CCSER1: variants seen among roughly 807,000 people sequenced by gnomAD.
The protein encoded by CCSER1 is coiled-coil serine rich protein 1, also known as serine-rich coiled-coil domain-containing protein 1.
A neutral mutation model predicts 82.0 loss-of-function variants in CCSER1; 41 were observed. That is an observed-to-expected ratio of 0.50 (90% CI 0.39 to 0.65). CCSER1 has a LOEUF of 0.65. CCSER1 is among the 30% of genes least tolerant of loss of function. The pLI, the probability that CCSER1 is intolerant of heterozygous loss-of-function variation, is 0.00. For missense variants in CCSER1, 1,119 were observed against 1,064.2 expected, an observed-to-expected ratio of 1.05 and a Z score of -0.72; for synonymous variants, 414 against 383.9, an observed-to-expected ratio of 1.08 and a Z score of -0.92.
chr4:90,687,232 A>T (rs2149211202), intron 6 of CCSER1, among the ~76,000 whole-genome samples: 1 of 152,192 alleles, frequency 6.6e-6, no homozygotes, highest in South Asian at 2.1e-4. Context: ...AGCTTACTTT[A>T]TTTTTTATTG....
chr4:91,512,811 T>G (rs1759898019), intron 10 of CCSER1, among the ~76,000 whole-genome samples: 1 of 152,226 alleles, frequency 6.6e-6, no homozygotes, highest in Non-Finnish European at 1.5e-5. Flanking sequence ...TACATTGATT[T>G]TATATTCTGA....
intron 10 of CCSER1, among the ~76,000 whole-genome samples, chr4:91,113,947 A>G (rs1293604610): frequency 1.3e-5 from 2 of 150,772 alleles, no homozygotes; most frequent in Non-Finnish European, 3.0e-5. Flanking sequence ...CCGCCTCCTG[A>G]GTTCACGCCG....
intron 5 of CCSER1, among the ~76,000 whole-genome samples, chr4:90,528,788 A>G (rs1774111809): frequency 6.6e-6 from 1 of 152,186 alleles, no homozygotes; most frequent in South Asian, 2.1e-4. Context: ...AATGGGTTGT[A>G]GAGAAGTTTT....
At chr4:90,917,626 A>C (rs957174211) in intron 8 of CCSER1, among the ~76,000 whole-genome samples, 51 of 152,150 alleles carry the variant, frequency 3.4e-4, no homozygotes, top group East Asian at 1.9e-4. Context: ...ACAAACCTGC[A>C]CTTTGTGCAC....
chr4:90,305,434 T>C (rs1734086618), intron 1 of CCSER1, among the ~76,000 whole-genome samples: 1 of 152,176 alleles, frequency 6.6e-6, no homozygotes, highest in Non-Finnish European at 1.5e-5. Context: ...GAAATAAATG[T>C]TGTATATAAG....
At chr4:90,249,024 GT>G (rs1721919949) in intron 1 of CCSER1, among the ~76,000 whole-genome samples, 1 of 152,044 alleles carries the variant, frequency 6.6e-6, no homozygotes. Flanking sequence ...AATTATTTTT[GT>G]TGAGTCATAG....
intron 8 of CCSER1, among the ~76,000 whole-genome samples, chr4:90,845,188 C>G (rs547622434): frequency 6.6e-6 from 1 of 151,878 alleles, no homozygotes; most frequent in Admixed American, 6.6e-5. Flanking sequence ...AGGTGAAACC[C>G]CGTCTCTACT....
chr4:90,698,434 A>G (rs1381340045), intron 6 of CCSER1, among the ~76,000 whole-genome samples: 3 of 152,210 alleles, frequency 2.0e-5, no homozygotes, highest in African/African-American at 7.2e-5. Context: ...AAGGAATATG[A>G]TGTTTCAAAT....
intron 7 of CCSER1, among the ~76,000 whole-genome samples, chr4:90,769,889 T>A (rs1751814189): frequency 6.6e-6 from 1 of 152,312 alleles, no homozygotes; most frequent in South Asian, 2.1e-4. Flanking sequence ...ATAGTGATCC[T>A]CAATTATCCC....
chr4:91,272,611 G>A (rs150846495), intron 10 of CCSER1, among the ~76,000 whole-genome samples: 323 of 152,064 alleles, frequency 2.1e-3, no homozygotes, highest in East Asian at 0.011. Flanking sequence ...ATTAAGTCCC[G>A]GCTATTTATC....
chr4:90,860,484 G>A (rs1385699695), intron 8 of CCSER1, among the ~76,000 whole-genome samples: 3 of 151,486 alleles, frequency 2.0e-5, no homozygotes, highest in Non-Finnish European at 3.0e-5. Flanking sequence ...TTTTTGATAT[G>A]GTAATAGTTT....
At chr4:90,487,520 C>G (rs1471568384) in intron 5 of CCSER1, among the ~76,000 whole-genome samples, 4 of 152,194 alleles carry the variant, frequency 2.6e-5, no homozygotes, top group South Asian at 2.1e-4. Context: ...TTGATGAAAG[C>G]AGGGATTGTT....
chr4:90,175,346 G>A (rs72876138), intron 1 of CCSER1, among the ~76,000 whole-genome samples: 3 of 151,898 alleles, frequency 2.0e-5, no homozygotes, highest in Admixed American at 6.6e-5. Flanking sequence ...CCATGAAGAA[G>A]GGGTAAGATG....
intron 10 of CCSER1, among the ~76,000 whole-genome samples, chr4:91,572,124 G>A (rs1321046469): frequency 6.6e-6 from 1 of 152,108 alleles, no homozygotes; most frequent in Non-Finnish European, 1.5e-5. Flanking sequence ...GATCTGCCCA[G>A]TGAGAAAATA....
chr4:91,289,921 T>C (rs368636296), intron 10 of CCSER1, among the ~76,000 whole-genome samples: 3 of 152,040 alleles, frequency 2.0e-5, no homozygotes, highest in East Asian at 3.9e-4. Context: ...ATCAGGCATA[T>C]TATATTCAAA....
Position 90,544,424 on chromosome 4 carries a change from A to G in CCSER1, c.1724+76070A>G, listed in dbSNP as rs1560693349. On this transcript the variant is annotated intron_variant, in intron 5 of 10. Transcript: ENST00000509176. ...GGAAGAGATGCATGTGGCAGAGTCT[A>G]GGAAAGTTCCTAGCGTGAAACTTCT... Among the ~76,000 whole-genome samples the G allele has an allele frequency of 2.0e-5, 3 of 152,156 alleles. No individual in the cohort carries two copies. In the South Asian group the frequency reaches 6.2e-4, roughly 31 times the overall value.
intron 6 of CCSER1, among the ~76,000 whole-genome samples, chr4:90,700,094 C>T (rs529022700): frequency 2.0e-5 from 3 of 151,960 alleles, no homozygotes; most frequent in South Asian, 2.1e-4. Context: ...CCCATTAACT[C>T]GTCATTTACA....
intron 1 of CCSER1, among the ~76,000 whole-genome samples, chr4:90,294,807 AG>A (rs34630339): frequency 6.6e-6 from 1 of 152,050 alleles, no homozygotes; most frequent in Non-Finnish European, 1.5e-5. Flanking sequence ...GCCCTCTTTA[AG>A]GGTAATCACT....
chr4:90,453,032 C>T (rs1761687143), intron 4 of CCSER1, among the ~76,000 whole-genome samples: 1 of 152,134 alleles, frequency 6.6e-6, no homozygotes, highest in Admixed American at 6.6e-5. Flanking sequence ...ATAATGTATA[C>T]ATATTGTAAA....
Sources: allele counts gnomAD v4.1 joint callset (sites outside exome capture counted in the v4.1 genomes callset), GRCh38; gene constraint gnomAD v4.1.1; transcripts MANE v1.5; gene names NCBI Gene and HGNC (gene_info 2026-07-23, HGNC 2026-07-21).